The following RAPGEF5 variants were observed in gnomAD, a reference collection of about 807,000 sequenced individuals.
RAPGEF5 encodes M-Ras-regulated GEF.
RAPGEF5 carries 65 observed loss-of-function variants against 125.2 expected under a neutral mutation model. That is an observed-to-expected ratio of 0.52 (90% confidence interval 0.43 to 0.64). The LOEUF is 0.64. Ranked by LOEUF, RAPGEF5 falls within the 30% of genes least tolerant of loss-of-function variation. RAPGEF5 has a pLI of 0.00. For missense variants in RAPGEF5, 958 were observed against 1,048.1 expected, an observed-to-expected ratio of 0.91 and a Z score of 1.19; for synonymous variants, 391 against 385.9, an observed-to-expected ratio of 1.01 and a Z score of -0.16.
At chr7:22,344,995 A>G (rs957765033) in intron 1 of RAPGEF5, among the ~76,000 whole-genome samples, 3 of 152,234 alleles carry the variant, frequency 2.0e-5, no homozygotes, top group African/African-American at 7.2e-5. Context: ...TGGATGCAGC[A>G]ACAGCATACC....
chr7:22,308,938 G>A (rs986699863), intron 4 of RAPGEF5, among the ~76,000 whole-genome samples: 5 of 152,120 alleles, frequency 3.3e-5, no homozygotes, highest in Non-Finnish European at 7.4e-5. Context: ...ATTTGGTGAC[G>A]TCTAGACATT....
intron 18 of RAPGEF5, among the ~76,000 whole-genome samples, chr7:22,149,660 G>A (rs901144093): frequency 1.3e-5 from 2 of 152,068 alleles, no homozygotes; most frequent in Non-Finnish European, 2.9e-5. Flanking sequence ...CCATGACCCC[G>A]TTCTACACAG....
chr7:22,233,021 AG>A (rs1480292655), intron 7 of RAPGEF5, among the ~76,000 whole-genome samples: 1 of 152,202 alleles, frequency 6.6e-6, no homozygotes, highest in Non-Finnish European at 1.5e-5. Flanking sequence ...GCCTGTTCAA[AG>A]GGGGTTCCCT....
chr7:22,229,762 A>T (rs1392118710), intron 8 of RAPGEF5, among the ~76,000 whole-genome samples: 1 of 152,162 alleles, frequency 6.6e-6, no homozygotes, highest in African/African-American at 2.4e-5. Flanking sequence ...ACACCAGAGG[A>T]GGTGACAACT....
intron 19 of RAPGEF5, 92 bp downstream of exon 19, chr7:22,146,805 G>T: frequency 2.1e-6 from 3 of 1,401,614 alleles, no homozygotes; most frequent in Non-Finnish European, 1.9e-6. Context: ...CGTTATTCTA[G>T]CATAATTTCA....
intron 9 of RAPGEF5, among the ~76,000 whole-genome samples, chr7:22,207,103 C>T (rs1466295840): frequency 6.6e-6 from 1 of 152,152 alleles, no homozygotes; most frequent in Non-Finnish European, 1.5e-5. Flanking sequence ...CCACCATCAA[C>T]CTGACAAAGA....
intron 9 of RAPGEF5, among the ~76,000 whole-genome samples, chr7:22,196,939 A>G (rs2128127095): frequency 6.6e-6 from 1 of 152,346 alleles, no homozygotes; most frequent in Middle Eastern, 3.4e-3. Flanking sequence ...GTAAAGAGGC[A>G]GAACTATGAA....
chr7:22,172,690 T>G (rs1483443432), intron 11 of RAPGEF5, among the ~76,000 whole-genome samples: 1 of 152,204 alleles, frequency 6.6e-6, no homozygotes, highest in South Asian at 2.1e-4. Flanking sequence ...TTTTAAAAAC[T>G]GATCCAAATG....
chr7:22,154,340 T>C, intron 17 of RAPGEF5, 115 bp downstream of exon 17: 3 of 1,206,170 alleles, frequency 2.5e-6, no homozygotes, highest in Non-Finnish European at 1.1e-6. Context: ...ACTGTGGTCA[T>C]CCAGCTGCGG....
At chr7:22,171,544 G>A (rs1027022488) in intron 11 of RAPGEF5, among the ~76,000 whole-genome samples, 4 of 152,004 alleles carry the variant, frequency 2.6e-5, no homozygotes, top group Admixed American at 1.3e-4. Flanking sequence ...TCTTGCCTAG[G>A]CTGGAGTGCA....
intron 1 of RAPGEF5, among the ~76,000 whole-genome samples, chr7:22,350,872 A>G (rs1019239968): frequency 6.6e-6 from 1 of 152,196 alleles, no homozygotes; most frequent in African/African-American, 2.4e-5. Context: ...GTTTTACACC[A>G]AGGATCAGGA....
intron 8 of RAPGEF5, among the ~76,000 whole-genome samples, chr7:22,227,285 T>C (rs1785942018): frequency 6.6e-6 from 1 of 151,868 alleles, no homozygotes; most frequent in South Asian, 2.1e-4. Context: ...ACATAAAAGA[T>C]TTAACAGGAT....
intron 6 of RAPGEF5, among the ~76,000 whole-genome samples, chr7:22,271,229 A>G (rs1160519530): frequency 6.6e-6 from 1 of 152,200 alleles, no homozygotes; most frequent in Non-Finnish European, 1.5e-5. Flanking sequence ...GAATCTCGGG[A>G]TTGAACCAGG....
At chr7:22,159,332 T>G (rs1004217417) in intron 14 of RAPGEF5, among the ~76,000 whole-genome samples, 3 of 152,362 alleles carry the variant, frequency 2.0e-5, no homozygotes, top group African/African-American at 7.2e-5. Flanking sequence ...TTTTGATGAT[T>G]GAGGACTATA....
At chr7:22,214,849 C>T (rs149850963) in intron 9 of RAPGEF5, among the ~76,000 whole-genome samples, 437 of 152,238 alleles carry the variant, frequency 2.9e-3, no homozygotes, top group African/African-American at 9.9e-3. Context: ...AGGAAGACAC[C>T]CTCCAGAGGC....
Position 22,118,870 on chromosome 7 carries a change from T to C in RAPGEF5, c.*3536A>G, listed in dbSNP as rs1365352218. 2 of 152,480 alleles carry C rather than the reference T, an allele frequency of 1.3e-5. No individual in the cohort carries two copies. The highest frequency in any genetic ancestry group is 1.3e-4 in the Admixed American group (2 of 15,262). 9.4% of individuals were successfully genotyped at this position (152,480 alleles called of 1,614,324 possible). A position where few individuals can be genotyped will look rare whatever the true frequency, so the allele number is the denominator to read the frequency against. On this transcript the variant is annotated 3_prime_UTR_variant, in exon 26 of 26. Coordinates refer to ENST00000665637, the MANE Select transcript of RAPGEF5 (RefSeq NM_012294.5). ...ATACAGTAATACATTTGCATCTAAC[T>C]TTTTGGCAATTTTTAAAAACTTCCC... is the stretch of plus-strand genomic sequence containing the variant.
At chr7:22,318,124 C>T (rs998103957) in intron 1 of RAPGEF5, 87 bp from the exon 2 acceptor site, 8 of 1,286,620 alleles carry the variant, frequency 6.2e-6, no homozygotes, top group Non-Finnish European at 1.0e-6. Context: ...GTGGCCAGGG[C>T]AGGCCTCTGC....
chr7:22,354,703 G>C (rs2128390389), intron 1 of RAPGEF5, among the ~76,000 whole-genome samples: 1 of 152,184 alleles, frequency 6.6e-6, no homozygotes, highest in Non-Finnish European at 1.5e-5. Context: ...ATGAGAAGAG[G>C]GAGCCCTCTC....
At chr7:22,194,322 T>G (rs1354414734) in intron 9 of RAPGEF5, among the ~76,000 whole-genome samples, 1 of 152,180 alleles carries the variant, frequency 6.6e-6, no homozygotes, top group African/African-American at 2.4e-5. Context: ...TAAAACTACC[T>G]AAACAATTTA....
Sources: allele counts gnomAD v4.1 joint callset (sites outside exome capture counted in the v4.1 genomes callset), GRCh38; gene constraint gnomAD v4.1.1; transcripts MANE v1.5; gene names NCBI Gene and HGNC (gene_info 2026-07-23, HGNC 2026-07-21).